Variants in ARCN1 observed in about 807,000 individuals in gnomAD.
The protein encoded by ARCN1 is coatomer subunit delta.
Under a neutral mutation model 60.4 loss-of-function variants are expected in ARCN1, and 5 were observed. That is an observed-to-expected ratio of 0.08 (90% CI 0.04 to 0.17). The LOEUF (loss-of-function observed/expected upper bound fraction) is 0.17. ARCN1 is among the 10% of genes least tolerant of loss of function. ARCN1 has a pLI of 1.00. For synonymous variants in ARCN1, 224 were observed against 220.0 expected (o/e 1.02, Z -0.16); for missense variants, 464 against 626.5 (o/e 0.74, Z 2.77).
Position 118,584,610 on chromosome 11 carries a change from A to G in ARCN1, c.784A>G (p.Thr262Ala). ...SSMGKRTSEA[T>A]KMHAPPINME... ...TATGGGCAAGCGTACTTCTGAAGCA[A>G]CCAAAATGCATGCTCCACCCATTAA... The change falls in exon 5 of 10, where the codon ACC (threonine) becomes GCC (alanine). Residue 262 changes from threonine (T) to alanine (A), a missense_variant. Thr to Ala is a moderately conservative substitution (Grantham distance 58). Coordinates refer to ENST00000264028, the MANE Select transcript of ARCN1 (RefSeq NM_001655.5). 1.2e-6 allele frequency: 2 copies of G among 1,610,612 alleles called. No homozygotes were observed. The highest frequency in any genetic ancestry group is 1.7e-6 in the Non-Finnish European group (2 of 1,178,996).
In ARCN1 at chr11:118,581,520, T is replaced by A. The variant is rs1938648874; in HGVS notation, c.267+11T>A. 1 of 1,600,588 alleles carries A rather than the reference T, an allele frequency of 6.2e-7. No homozygotes were observed. The highest frequency in any genetic ancestry group is 1.7e-5 in the Admixed American group (1 of 57,328). On this transcript the variant is annotated intron_variant, in intron 2 of 9. Coordinates refer to ENST00000264028, the MANE Select transcript of ARCN1 (RefSeq NM_001655.5). ...CTCTTCTCAAGAGTGGTAAGAGTAC[T>A]GCTATAATACTGGGTTCCACTTTTT...
At position 118,599,724 on chromosome 11, in the gene ARCN1, C is replaced by G. The variant is rs79134893; in HGVS notation, c.1447-901C>G. Among the ~76,000 whole-genome samples the G allele has an allele frequency of 4.8e-4, 73 of 152,336 alleles. No individual in the cohort carries two copies. In the East Asian group the frequency reaches 0.014, roughly 29 times the overall value. On this transcript the variant is annotated intron_variant, in intron 9 of 9. Coordinates refer to ENST00000264028, the MANE Select transcript of ARCN1 (RefSeq NM_001655.5). ...GGATTACAGGAGTGAGCTTCCACGT[C>G]TGGCTGTTCTTCCAGTTTTTTAATT...
At position 118,590,431 on chromosome 11, in the gene ARCN1, T is replaced by G. The variant is rs1396071223; in HGVS notation, c.909T>G (p.Leu303=). ...QNMELHGMIM[L]RISDDKYGRI... ...TGGAGTTGCATGGCATGATCATGCT[T>G]AGGATCTCAGATGACAAGTATGGCC... The change falls in exon 6 of 10, where the codon CTT becomes CTG. Residue 303 remains leucine, a synonymous_variant. Coordinates refer to ENST00000264028, the MANE Select transcript of ARCN1 (RefSeq NM_001655.5). 2.5e-6 allele frequency: 4 copies of G among 1,614,104 alleles called. No homozygotes were observed. Among genetic ancestry groups the G allele is most frequent in the Non-Finnish European group, 2.5e-6 (3 of 1,180,030 alleles).
intron 5 of ARCN1, among the ~76,000 whole-genome samples, chr11:118,586,126 CAG>C (rs1938773499): frequency 6.6e-6 from 1 of 152,100 alleles, no homozygotes; most frequent in African/African-American, 2.4e-5. Context: ...TCTTTCTTGA[CAG>C]AGTCTTGCTC....
rs529645011 is a variant in ARCN1, at chr11:118,597,836, C to T, written c.1371C>T (p.Ser457=). Residue 457 remains serine, a synonymous_variant, in exon 9 of 10, where the codon AGC becomes AGT. Coordinates refer to ENST00000264028, the MANE Select transcript of ARCN1 (RefSeq NM_001655.5). ...AKNKSGSLEF[S]IAGQPNDFFP... The stretch of plus-strand genomic sequence containing the variant: ...ATAAGAGTGGCAGCCTGGAGTTTAG[C>T]ATTGCTGGGCAGCCCAATGACTTCT... 6.2e-7 allele frequency: 1 copy of T among 1,614,144 alleles called. No homozygotes were observed. The highest frequency in any genetic ancestry group is 1.1e-5 in the South Asian group (1 of 91,080).
At position 118,590,540 on chromosome 11, in the gene ARCN1, CTT is replaced by C. The variant is rs529925904; in HGVS notation, c.984+36_984+37del. On this transcript the variant is annotated intron_variant, in intron 6 of 9. Coordinates refer to ENST00000264028, the MANE Select transcript of ARCN1 (RefSeq NM_001655.5). Reference sequence around the variant, plus strand: ...AAGCTTTTGATAGGGAGTATTAACACTTTGTCTACCTATTATAGTCTTTCTCA... The same window carrying C: ...AAGCTTTTGATAGGGAGTATTAACACTGTCTACCTATTATAGTCTTTCTCA... The C allele has an allele frequency of 1.2e-4, 195 of 1,602,980 alleles. No homozygotes were observed. In the African/African-American group the frequency reaches 2.4e-3, roughly 19 times the overall value.
intron 6 of ARCN1, among the ~76,000 whole-genome samples, chr11:118,592,272 A>G (rs1173545453): frequency 6.6e-6 from 1 of 152,188 alleles, no homozygotes; most frequent in Non-Finnish European, 1.5e-5. Context: ...AATTGCAACT[A>G]GACTTTACAC....
intron 1 of ARCN1, chr11:118,573,846 A>G (rs1290469218): frequency 7.8e-6 from 4 of 512,708 alleles, no homozygotes; most frequent in East Asian, 6.4e-5. Context: ...CAAAATTTCC[A>G]GAAACTTGTA....
chr11:118,584,957 C>G (rs1938744724), intron 5 of ARCN1, among the ~76,000 whole-genome samples: 1 of 152,024 alleles, frequency 6.6e-6, no homozygotes, highest in African/African-American at 2.4e-5. Context: ...TCCCGAGTAG[C>G]TGGGACCACA....
At chr11:118,573,121 C>G (rs185526571) in intron 1 of ARCN1, among the ~76,000 whole-genome samples, 1 of 152,046 alleles carries the variant, frequency 6.6e-6, no homozygotes, top group African/African-American at 2.4e-5. Context: ...TGTATAGGAC[C>G]CAAGTGTCTC....
chr11:118,582,416 C>T (rs1004132768), intron 2 of ARCN1, among the ~76,000 whole-genome samples: 6 of 152,008 alleles, frequency 3.9e-5, no homozygotes, highest in Admixed American at 1.3e-4. Flanking sequence ...AGGCATGAGC[C>T]GCTGCACCCG....
intron 1 of ARCN1, among the ~76,000 whole-genome samples, chr11:118,580,301 G>T (rs1353386632): frequency 6.6e-6 from 1 of 152,076 alleles, no homozygotes; most frequent in African/African-American, 2.4e-5. Context: ...TCCAGCTTAG[G>T]TGACAAAGTG....
Position 118,601,399 on chromosome 11 carries a change from A to G in ARCN1, c.*685A>G. On this transcript the variant is annotated 3_prime_UTR_variant, in exon 10 of 10. Coordinates refer to ENST00000264028, the MANE Select transcript of ARCN1 (RefSeq NM_001655.5). ...TAATCCCTAAATATAATCCCTAAAT[A>G]TAGTTATATTTCATACTTAGTTTGT... is the stretch of plus-strand genomic sequence containing the variant. 1 of 580,508 alleles carries G rather than the reference A, an allele frequency of 1.7e-6. No homozygotes were observed. Among genetic ancestry groups the G allele is most frequent in the South Asian group, 1.7e-5 (1 of 58,092 alleles). The allele number at this position is 580,508 out of a possible 1,614,324, so 36.0% of individuals were successfully genotyped here. A position where few individuals can be genotyped will look rare whatever the true frequency, so the allele number is the denominator to read the frequency against.
chr11:118,583,468 T>G (rs915257919), intron 3 of ARCN1, 110 bp downstream of exon 3: 1 of 1,301,000 alleles, frequency 7.7e-7, no homozygotes, highest in Non-Finnish European at 1.0e-6. Context: ...CAAAACTATG[T>G]CCAGGCTAGG....
chr11:118,584,629 C>T lies in ARCN1; in HGVS notation c.803C>T (p.Pro268Leu), dbSNP rs1938735833. The T allele has an allele frequency of 1.9e-6, 3 of 1,602,892 alleles. No individual in the cohort carries two copies. The East Asian group carries it at 6.7e-5, about 36-fold the overall frequency. ...TSEATKMHAP[P>L]INMESVHMKI... ...GAAGCAACCAAAATGCATGCTCCAC[C>T]CATTAATATGGAAAGGTAAGTAGGA... The change falls in exon 5 of 10, where the codon CCC becomes CTC. Residue 268 changes from proline (P) to leucine (L), a missense_variant. Physicochemically the swap from Pro to Leu is moderately conservative, Grantham distance 98 (BLOSUM62 -3). Around this residue, in one of 2 missense-constraint regions of ARCN1, gnomAD observed 359 missense variants for 440.2 expected, o/e 0.82. Transcript: ENST00000264028.
Position 118,601,648 on chromosome 11 carries a change from T to G in ARCN1, c.*934T>G, listed in dbSNP as rs1939151207. ...TAGAAGTTAAAAGATACGCATGTCT[T>G]CTGTTCTTTTCCCGTATCAATTCAT... On this transcript the variant is annotated 3_prime_UTR_variant, in exon 10 of 10. Coordinates refer to ENST00000264028, the MANE Select transcript of ARCN1 (RefSeq NM_001655.5). 2.8e-6 allele frequency: 2 copies of G among 702,872 alleles called. No individual in the cohort carries two copies. The highest frequency in any genetic ancestry group is 5.2e-6 in the Non-Finnish European group (2 of 385,000). The allele number at this position is 702,872 out of a possible 1,614,324, so 43.5% of individuals were successfully genotyped here.
At chr11:118,581,209 A>G in intron 1 of ARCN1, 37 bp from the exon 2 acceptor site, 6 of 1,604,578 alleles carry the variant, frequency 3.7e-6, no homozygotes, top group Non-Finnish European at 5.1e-6. Flanking sequence ...GATGTGAAGA[A>G]ATAATTAGTA....
rs782258280 is a variant in ARCN1, at chr11:118,592,866, T to G, written c.1132+10T>G. ...TTTATTCCACTGACAAGTAAGTGCCTCTGGCCAGTCCCACTAAGCTAGTTT... is the reference window on the plus strand; with the variant it reads ...TTTATTCCACTGACAAGTAAGTGCCGCTGGCCAGTCCCACTAAGCTAGTTT... On this transcript the variant is annotated intron_variant, in intron 7 of 9. Transcript: ENST00000264028. The G allele has an allele frequency of 1.1e-5, 17 of 1,612,074 alleles. 1 individual carries two copies. The South Asian group carries it at 1.9e-4, about 18-fold the overall frequency.
At position 118,572,515 on chromosome 11, in the gene ARCN1, G is replaced by C; in HGVS notation, c.-33G>C. Reference sequence around the variant, plus strand: ...CCCTACCCCTATCCCCAGTGGAGCCGGAGTGCGGGCGCGCCCCACCACCGC... The same window carrying C: ...CCCTACCCCTATCCCCAGTGGAGCCCGAGTGCGGGCGCGCCCCACCACCGC... On this transcript the variant is annotated 5_prime_UTR_variant, in exon 1 of 10. Coordinates refer to ENST00000264028, the MANE Select transcript of ARCN1 (RefSeq NM_001655.5). The C allele has an allele frequency of 6.2e-7, 1 of 1,611,234 alleles. No individual in the cohort carries two copies. Among genetic ancestry groups the C allele is most frequent in the Non-Finnish European group, 8.5e-7 (1 of 1,178,976 alleles).
Sources: gnomAD v4.1 joint callset for allele counts (sites outside exome capture counted in the v4.1 genomes callset) on GRCh38, gnomAD v4.1.1 for gene constraint, gnomAD v4.1.1 regional missense constraint, MANE v1.5 for transcripts, NCBI Gene and HGNC (gene_info 2026-07-23, HGNC 2026-07-21) for gene names.